IFI44: variants seen among roughly 807,000 people sequenced by gnomAD.
The protein encoded by IFI44 is interferon-induced protein 44.
In IFI44, 42 loss-of-function variants were observed where a neutral mutation model predicts 45.0. The observed-to-expected ratio is 0.93, with a 90% CI of 0.73 to 1.21. The LOEUF (loss-of-function observed/expected upper bound fraction) is 1.21, where lower values mean the gene tolerates loss of function less well. Among genes scored for constraint, IFI44 ranks in the 50% most tolerant of loss-of-function variants. IFI44 has a pLI of 0.00. For synonymous variants in IFI44, 221 were observed against 188.6 expected (o/e 1.17, Z -1.41); for missense variants, 623 against 525.8 (o/e 1.18, Z -1.81).
In IFI44 at chr1:78,655,170, GGCTTT is replaced by G. The variant is rs745968053; in HGVS notation, c.653_657del (p.Ala218GlyfsTer4). 62 of 1,613,910 alleles carry G rather than the reference GGCTTT, an allele frequency of 3.8e-5. No individual in the cohort carries two copies. In the African/African-American group the frequency reaches 7.3e-4, roughly 19 times the overall value. ...TTTTCCAAGGGCATGTAACGCATCA[GGCTTT>G]GGTGGGCACTAATACAACTGGGATA... On this transcript the variant is annotated frameshift_variant, in exon 4 of 9. Transcript: ENST00000370747. LOFTEE classifies it high-confidence loss of function.
In IFI44 at chr1:78,663,801, G is replaced by A. The variant is rs754786867; in HGVS notation, c.1325G>A (p.Gly442Glu). Reference sequence around the variant, plus strand: ...GAGGAAATTATCAACTGTGCACAAGGAAAAAAATAGATATGTGAAAGGTTC... The same window carrying A: ...GAGGAAATTATCAACTGTGCACAAGAAAAAAAATAGATATGTGAAAGGTTC... ...LREEIINCAQ[G>E]KK The change falls in exon 9 of 9, where the codon GGA (glycine) becomes GAA (glutamate). Residue 442 changes from glycine to glutamate, a missense_variant. Transcript: ENST00000370747. 1 of 1,609,982 alleles carries A rather than the reference G, an allele frequency of 6.2e-7. No homozygotes were observed. The highest frequency in any genetic ancestry group is 2.2e-5 in the East Asian group (1 of 44,740).
At chr1:78,654,347 A>C in intron 3 of IFI44, 68 bp downstream of exon 3, 2 of 820,434 alleles carry the variant, frequency 2.4e-6, no homozygotes, top group Admixed American at 2.1e-5. Flanking sequence ...GATAGGTCTC[A>C]TCAATATAAT....
intron 2 of IFI44, 116 bp from the exon 3 acceptor site, chr1:78,654,127 C>G (rs1173802864): frequency 1.4e-6 from 1 of 707,266 alleles, no homozygotes; most frequent in Admixed American, 2.2e-5. Flanking sequence ...CGGGACCATT[C>G]TCATGGAAAG....
intron 5 of IFI44, among the ~76,000 whole-genome samples, chr1:78,655,887 T>C (rs1465140200): frequency 6.6e-6 from 1 of 152,164 alleles, no homozygotes; most frequent in African/African-American, 2.4e-5. Flanking sequence ...TGTTAAGATA[T>C]GCCTCCCCCA....
intron 7 of IFI44, among the ~76,000 whole-genome samples, chr1:78,661,584 C>T (rs1173885448): frequency 3.9e-5 from 6 of 151,938 alleles, no homozygotes; most frequent in African/African-American, 4.8e-5. Flanking sequence ...AAAATTCCCC[C>T]GCACTAAAAA....
At chr1:78,663,706 C>T in intron 8 of IFI44, 59 bp from the exon 9 acceptor site, 1 of 1,595,654 alleles carries the variant, frequency 6.3e-7, no homozygotes, top group Admixed American at 1.8e-5. Context: ...TATTCCTCTT[C>T]CCTCTGGTTG....
rs766004920 is a variant in IFI44 at position 78,650,542 on chromosome 1, T to G, written c.347T>G (p.Ile116Arg). 1 of 1,613,662 alleles carries G rather than the reference T, an allele frequency of 6.2e-7. No individual in the cohort carries two copies. Among genetic ancestry groups the G allele is most frequent in the Admixed American group, 1.7e-5 (1 of 60,020 alleles). Residue 116 changes from isoleucine (I) to arginine (R), a missense_variant, in exon 2 of 9, where the codon ATA (isoleucine) becomes AGA (arginine). Ile to Arg is a moderately conservative substitution (Grantham distance 97). Coordinates refer to ENST00000370747, the MANE Select transcript of IFI44 (RefSeq NM_006417.5). ...TKYNSPTNFQ[I>R]DGRNRKVIMD... is the part of the protein sequence containing the mutation. The stretch of plus-strand genomic sequence containing the variant: ...TATAACTCCCCAACTAATTTCCAGA[T>G]AGATGGAAGAAATAGAAAAGTGATT...
At chr1:78,660,700 C>T in intron 7 of IFI44, 46 bp downstream of exon 7, 1 of 1,194,504 alleles carries the variant, frequency 8.4e-7, no homozygotes, top group South Asian at 1.2e-5. Context: ...GGGTATGTTA[C>T]TACAATCACA....
At chr1:78,659,256 G>A in intron 5 of IFI44, 56 bp from the exon 6 acceptor site, 1 of 1,424,876 alleles carries the variant, frequency 7.0e-7, no homozygotes, top group Non-Finnish European at 9.8e-7. Flanking sequence ...CTGGTACATA[G>A]TTTGTGCTCA....
At chr1:78,650,681 A>ATTG (rs765683913) in intron 2 of IFI44, 29 bp downstream of exon 2, 1 of 1,404,554 alleles carries the variant, frequency 7.1e-7, no homozygotes. Context: ...TCCTGTAGAG[A>ATTG]GTTCTCCCTT....
Position 78,650,629 on chromosome 1 carries a change from A to G in IFI44, c.434A>G (p.Asp145Gly). Reference protein sequence around the residue: ...LAQNCTISIQDYEVFRCEDSL... With the variant: ...LAQNCTISIQGYEVFRCEDSL... ...CAAAATTGTACTATCTCTATTCAGG[A>G]TTATGAAGTTTTTCGATGCGAAGGT... The change falls in exon 2 of 9, where the codon GAT becomes GGT. Residue 145 changes from aspartate to glycine, a missense_variant. By Grantham distance (94) the Asp-to-Gly change is moderately conservative. Transcript: ENST00000370747. The G allele has an allele frequency of 6.3e-7, 1 of 1,591,026 alleles. No individual in the cohort carries two copies. The highest frequency in any genetic ancestry group is 1.7e-4 in the Middle Eastern group (1 of 5,852).
chr1:78,650,735 A>G, intron 2 of IFI44, 83 bp downstream of exon 2: 18 of 944,084 alleles, frequency 1.9e-5, no homozygotes, highest in Middle Eastern at 6.8e-4. Context: ...TTAAGGAAAA[A>G]TGAACTTTTC....
intron 5 of IFI44, among the ~76,000 whole-genome samples, chr1:78,657,677 G>T (rs1647250846): frequency 6.6e-6 from 1 of 152,048 alleles, no homozygotes. Context: ...AGTTTAAAAA[G>T]AACAACAGGA....
intron 3 of IFI44, 90 bp from the exon 4 acceptor site, chr1:78,654,924 A>G: frequency 7.1e-6 from 7 of 988,776 alleles, no homozygotes; most frequent in Non-Finnish European, 9.8e-6. Context: ...CAAAAATAAT[A>G]TCTATGAAAA....
intron 8 of IFI44, 23 bp from the exon 9 acceptor site, chr1:78,663,742 A>T: frequency 6.2e-7 from 1 of 1,609,842 alleles, no homozygotes; most frequent in Non-Finnish European, 8.5e-7. Flanking sequence ...TCCACTAAGA[A>T]TATTTTGTGT....
intron 5 of IFI44, among the ~76,000 whole-genome samples, chr1:78,657,370 G>T (rs1299872971): frequency 6.6e-6 from 1 of 151,916 alleles, no homozygotes; most frequent in Non-Finnish European, 1.5e-5. Context: ...TCCATTATTT[G>T]CATCCCTCGG....
At chr1:78,652,459 G>T (rs1044210509) in intron 2 of IFI44, among the ~76,000 whole-genome samples, 2 of 152,166 alleles carry the variant, frequency 1.3e-5, no homozygotes, top group Admixed American at 6.5e-5. Context: ...GTAGTATTCC[G>T]TGTGGGAAAT....
chr1:78,663,665 T>C lies in IFI44; in HGVS notation c.1289-100T>C, dbSNP rs937009306. 1.2e-5 allele frequency: 18 copies of C among 1,526,490 alleles called. No individual in the cohort carries two copies. The African/African-American group carries it at 1.4e-4, about 12-fold the overall frequency. 94.6% of individuals were successfully genotyped at this position (1,526,490 alleles called of 1,614,324 possible). On this transcript the variant is annotated intron_variant, in intron 8 of 8. Coordinates refer to ENST00000370747, the MANE Select transcript of IFI44 (RefSeq NM_006417.5). ...CCTCATGGTACGTGTGCTCCTAATA[T>C]TAGCGTTGGTTGAGATTTTCAGTGG...
chr1:78,650,565 A>G lies in IFI44; in HGVS notation c.370A>G (p.Ile124Val). ...GATAGATGGAAGAAATAGAAAAGTG[A>G]TTATGGACTTAAAGACAATGGAAAA... ...FQIDGRNRKVIMDLKTMENLG... is the reference protein window; with the variant it reads ...FQIDGRNRKVVMDLKTMENLG... The change falls in exon 2 of 9, where the codon ATT (isoleucine) becomes GTT (valine). Residue 124 changes from isoleucine to valine, a missense_variant. Ile to Val is a conservative substitution (Grantham distance 29). Transcript: ENST00000370747. The G allele has an allele frequency of 6.2e-7, 1 of 1,613,614 alleles. No individual in the cohort carries two copies. Among genetic ancestry groups the G allele is most frequent in the South Asian group, 1.1e-5 (1 of 91,026 alleles).
Sources: allele counts gnomAD v4.1 joint callset (sites outside exome capture counted in the v4.1 genomes callset), GRCh38; gene constraint gnomAD v4.1.1; transcripts MANE v1.5; gene names NCBI Gene and HGNC (gene_info 2026-07-23, HGNC 2026-07-21).